The following SUGCT variants were observed in gnomAD, a reference collection of about 807,000 sequenced individuals.
SUGCT encodes succinyl-CoA:glutarate CoA-transferase.
Under a neutral mutation model 55.0 loss-of-function variants are expected in SUGCT, and 41 were observed. That is an observed-to-expected ratio of 0.74 (90% CI 0.58 to 0.97). The LOEUF (loss-of-function observed/expected upper bound fraction) is 0.97. Among genes scored for constraint, SUGCT ranks in the 50% least tolerant of loss-of-function variants. The pLI, the probability that SUGCT is intolerant of heterozygous loss-of-function variation, is 0.00. For synonymous variants in SUGCT, 187 were observed against 200.4 expected (o/e 0.93, Z 0.56); for missense variants, 568 against 547.8 (o/e 1.04, Z -0.37).
intron 6 of SUGCT, among the ~76,000 whole-genome samples, chr7:40,201,425 C>T (rs1243977766): frequency 6.6e-6 from 1 of 152,172 alleles, no homozygotes; most frequent in Non-Finnish European, 1.5e-5. Context: ...AGGGAACCCT[C>T]ATAGTCAAAA....
In SUGCT at chr7:40,796,212, G is replaced by T. The variant is rs1196421071; in HGVS notation, c.1153+46715G>T. On this transcript the variant is annotated intron_variant, in intron 13 of 13. Coordinates refer to ENST00000335693, the MANE Select transcript of SUGCT (RefSeq NM_001193313.2). ...AGATGTCTAATAGCATCTAGAAGTA[G>T]GAAACGAGATGAGTATTGGGTTGGG... 3.3e-5 allele frequency among the ~76,000 whole-genome samples: 5 copies of T among 152,274 alleles called. No individual in the cohort carries two copies. The East Asian group carries it at 9.7e-4, about 29-fold the overall frequency.
chr7:40,285,557 C>G (rs1016038967), intron 8 of SUGCT, among the ~76,000 whole-genome samples: 1 of 150,808 alleles, frequency 6.6e-6, no homozygotes, highest in Admixed American at 6.6e-5. Context: ...ATTGGCTAAT[C>G]AATCAGTGGT....
intron 9 of SUGCT, among the ~76,000 whole-genome samples, chr7:40,386,417 A>G (rs1785132011): frequency 6.6e-6 from 1 of 152,120 alleles, no homozygotes; most frequent in Non-Finnish European, 1.5e-5. Context: ...AGGTCCTGTG[A>G]TGGTGCATAG....
the SUGCT span, among the ~76,000 whole-genome samples, chr7:40,993,370 C>G: frequency 1.3e-5 from 2 of 152,166 alleles, no homozygotes; most frequent in African/African-American, 4.8e-5. Context: ...TGCCCTGATG[C>G]TGTCTGCTTA....
At chr7:40,550,704 C>A (rs1460426098) in intron 12 of SUGCT, among the ~76,000 whole-genome samples, 3 of 152,202 alleles carry the variant, frequency 2.0e-5, no homozygotes, top group Admixed American at 2.0e-4. Flanking sequence ...ATATACTTCC[C>A]TTTGTCCACC....
intron 9 of SUGCT, among the ~76,000 whole-genome samples, chr7:40,353,537 C>T (rs907581940): frequency 7.2e-5 from 11 of 152,108 alleles, no homozygotes; most frequent in Admixed American, 4.6e-4. Context: ...ATACCTTTCA[C>T]GTTGAAGATA....
At chr7:40,294,160 C>G (rs1291280021) in intron 8 of SUGCT, among the ~76,000 whole-genome samples, 1 of 152,100 alleles carries the variant, frequency 6.6e-6, no homozygotes, top group Admixed American at 6.6e-5. Context: ...GCTGGCCAGG[C>G]TGGTCTTGCC....
chr7:40,488,926 A>G lies in SUGCT; in HGVS notation c.987-7358A>G, dbSNP rs531168581. Among the ~76,000 whole-genome samples the G allele has an allele frequency of 3.3e-5, 5 of 152,298 alleles. No homozygotes were observed. The South Asian group carries it at 8.3e-4, about 25-fold the overall frequency. ...GGTTTTGATATTTGACAGTTTGATT[A>G]TAATATATATTTGGTTAGCCTGATT... On this transcript the variant is annotated intron_variant, in intron 11 of 13. Transcript: ENST00000335693.
At chr7:40,616,597 A>G (rs1353819129) in intron 12 of SUGCT, among the ~76,000 whole-genome samples, 1 of 152,260 alleles carries the variant, frequency 6.6e-6, no homozygotes, top group East Asian at 1.9e-4. Flanking sequence ...ATCCTCAGAG[A>G]CAAAGCAAAC....
chr7:40,416,843 A>G (rs1322075210), intron 9 of SUGCT, among the ~76,000 whole-genome samples: 3 of 152,036 alleles, frequency 2.0e-5, no homozygotes, highest in African/African-American at 2.4e-5. Context: ...GAAATTATGC[A>G]TCTTTCAAAA....
At chr7:40,149,147 C>G (rs1057171406) in intron 1 of SUGCT, among the ~76,000 whole-genome samples, 1 of 152,088 alleles carries the variant, frequency 6.6e-6, no homozygotes, top group African/African-American at 2.4e-5. Flanking sequence ...ACAGTCCATT[C>G]TTTGAAAAGT....
At chr7:40,705,459 A>T (rs1245806055) in intron 12 of SUGCT, among the ~76,000 whole-genome samples, 2 of 152,174 alleles carry the variant, frequency 1.3e-5, no homozygotes, top group Non-Finnish European at 2.9e-5. Flanking sequence ...TTTTGGTGTT[A>T]TTGAGAAGCA....
intron 12 of SUGCT, among the ~76,000 whole-genome samples, chr7:40,571,842 G>A (rs1796468229): frequency 1.3e-5 from 2 of 152,218 alleles, no homozygotes; most frequent in Non-Finnish European, 2.9e-5. Context: ...TGATGTTCAA[G>A]TGTCTCAGGA....
chr7:40,828,901 G>A (rs572757497), intron 13 of SUGCT, among the ~76,000 whole-genome samples: 8 of 152,274 alleles, frequency 5.3e-5, no homozygotes, highest in Non-Finnish European at 1.0e-4. Flanking sequence ...TGACTTTAGC[G>A]GTTTGGGGGC....
At chr7:40,329,157 C>A (rs1383339335) in intron 9 of SUGCT, among the ~76,000 whole-genome samples, 1 of 152,116 alleles carries the variant, frequency 6.6e-6, no homozygotes, top group Non-Finnish European at 1.5e-5. Context: ...CCTGATAGAT[C>A]TCAGTTCAGG....
the SUGCT span, among the ~76,000 whole-genome samples, chr7:40,950,790 C>A: frequency 6.6e-6 from 1 of 152,186 alleles, no homozygotes; most frequent in South Asian, 2.1e-4. Context: ...AACAGCCTTG[C>A]ATCCCAGGGA....
At chr7:40,970,187 T>C in the SUGCT span, among the ~76,000 whole-genome samples, 1 of 152,182 alleles carries the variant, frequency 6.6e-6, no homozygotes, top group Non-Finnish European at 1.5e-5. Context: ...CTTTTTTTTT[T>C]CTGAGACGGA....
intron 12 of SUGCT, among the ~76,000 whole-genome samples, chr7:40,706,544 C>T (rs948334246): frequency 2.0e-5 from 3 of 152,108 alleles, no homozygotes; most frequent in African/African-American, 4.8e-5. Context: ...TAAGAGTCTT[C>T]GAATTTGGGA....
chr7:40,869,250 C>T, the SUGCT span, among the ~76,000 whole-genome samples: 3 of 152,186 alleles, frequency 2.0e-5, no homozygotes, highest in Admixed American at 1.3e-4. Context: ...CTGAACTAAT[C>T]ACATGAGTCC....
Sources: gnomAD v4.1 joint callset for allele counts (sites outside exome capture counted in the v4.1 genomes callset) on GRCh38, gnomAD v4.1.1 for gene constraint, MANE v1.5 for transcripts, NCBI Gene and HGNC (gene_info 2026-07-23, HGNC 2026-07-21) for gene names.